The following NPAS3 variants were observed in gnomAD, a reference collection of about 807,000 sequenced individuals.
NPAS3 encodes neuronal PAS domain protein 3, also known as neuronal PAS domain-containing protein 3.
Under a neutral mutation model 73.1 loss-of-function variants are expected in NPAS3, and 14 were observed. The ratio of observed to expected loss-of-function variants is 0.19; its 90% CI spans 0.13 to 0.30. NPAS3 has a LOEUF of 0.30. Ranked by LOEUF, NPAS3 falls within the 10% of genes least tolerant of loss-of-function variation. The probability of loss-of-function intolerance (pLI) is 1.00; values close to 1 mark genes in which losing one functional copy is unlikely to be tolerated. For missense variants in NPAS3, 1,096 were observed against 1,250.0 expected (o/e 0.88, Z 1.86); for synonymous variants, 620 against 541.5 (o/e 1.14, Z -2.01).
intron 3 of NPAS3, among the ~76,000 whole-genome samples, chr14:33,217,792 G>T (rs28683715): frequency 0.3 from 45,545 of 152,000 alleles, 7,376 homozygotes; most frequent in Non-Finnish European, 0.34. Context: ...TTTTATGAGG[G>T]ATAGTTAGAT....
intron 6 of NPAS3, among the ~76,000 whole-genome samples, chr14:33,717,918 G>A (rs1391293970): frequency 6.6e-6 from 1 of 152,018 alleles, no homozygotes; most frequent in Non-Finnish European, 1.5e-5. Context: ...AATGGTTATT[G>A]AGAAAGTCTA....
At chr14:33,763,546 A>G (rs993489534) in intron 7 of NPAS3, among the ~76,000 whole-genome samples, 1 of 152,204 alleles carries the variant, frequency 6.6e-6, no homozygotes, top group African/African-American at 2.4e-5. Context: ...GTGGCCTCAG[A>G]TGCAGTGTAG....
chr14:33,784,746 T>A (rs1355427730), intron 9 of NPAS3, among the ~76,000 whole-genome samples: 1 of 99,522 alleles, frequency 1.0e-5, no homozygotes, highest in Non-Finnish European at 1.9e-5. Flanking sequence ...TATTTATTTA[T>A]TTTTTTTTTT....
chr14:33,074,823 A>G (rs1306532407), intron 2 of NPAS3, among the ~76,000 whole-genome samples: 2 of 152,244 alleles, frequency 1.3e-5, no homozygotes, highest in East Asian at 3.8e-4. Flanking sequence ...ATTTTCTGCT[A>G]GTTACCATAT....
chr14:33,107,941 AAATT>A (rs2042773406), intron 2 of NPAS3, among the ~76,000 whole-genome samples: 1 of 152,174 alleles, frequency 6.6e-6, no homozygotes, highest in South Asian at 2.1e-4. Context: ...AAAATAGAAT[AAATT>A]CAGGAGTGAA....
At chr14:33,149,863 G>T (rs1289807881) in intron 2 of NPAS3, among the ~76,000 whole-genome samples, 1 of 152,112 alleles carries the variant, frequency 6.6e-6, no homozygotes. Context: ...GTATACACAT[G>T]CCATGGTGGT....
chr14:32,991,790 T>A (rs961380723), intron 1 of NPAS3, among the ~76,000 whole-genome samples: 2 of 152,216 alleles, frequency 1.3e-5, no homozygotes, highest in Non-Finnish European at 2.9e-5. Flanking sequence ...CAGTAAGGCA[T>A]TCGTTGCCTT....
intron 1 of NPAS3, among the ~76,000 whole-genome samples, chr14:33,046,211 G>T (rs1243540896): frequency 1.3e-5 from 2 of 152,144 alleles, no homozygotes; most frequent in African/African-American, 4.8e-5. Flanking sequence ...CATGTTCAAA[G>T]GCTTATAAGC....
intron 5 of NPAS3, among the ~76,000 whole-genome samples, chr14:33,653,124 C>A (rs924882927): frequency 6.6e-6 from 1 of 152,194 alleles, no homozygotes; most frequent in Non-Finnish European, 1.5e-5. Context: ...TGTCTCTTAT[C>A]GTGAGCCACC....
intron 3 of NPAS3, among the ~76,000 whole-genome samples, chr14:33,258,894 A>G (rs2048871667): frequency 6.6e-6 from 1 of 152,128 alleles, no homozygotes; most frequent in South Asian, 2.1e-4. Context: ...GCTCACTGCA[A>G]GCTCCGCCTC....
At chr14:33,357,724 G>A (rs752035375) in intron 3 of NPAS3, among the ~76,000 whole-genome samples, 2 of 152,126 alleles carry the variant, frequency 1.3e-5, no homozygotes, top group Non-Finnish European at 1.5e-5. Context: ...CTGGGGTTTC[G>A]GCAAAGCACA....
intron 3 of NPAS3, among the ~76,000 whole-genome samples, chr14:33,282,724 G>A (rs1415418584): frequency 2.6e-5 from 4 of 152,086 alleles, no homozygotes; most frequent in African/African-American, 4.8e-5. Context: ...AGCCTGGAGC[G>A]GGACTGAATA....
rs187383366 is a variant in NPAS3, at chr14:33,650,034, C to G, written c.559-26177C>G. Among the ~76,000 whole-genome samples the G allele has an allele frequency of 1.6e-4, 24 of 152,306 alleles. No homozygotes were observed. In the East Asian group the frequency reaches 4.6e-3, roughly 29 times the overall value. ...CCTGTTTAGAATACAGATTCCCTGGCCCCGTCCCAGGACAGTCTGATTTAG... is the reference window on the plus strand; with the variant it reads ...CCTGTTTAGAATACAGATTCCCTGGGCCCGTCCCAGGACAGTCTGATTTAG... On this transcript the variant is annotated intron_variant, in intron 5 of 11. Transcript: ENST00000356141.
chr14:32,944,772 T>C (rs369498796), intron 1 of NPAS3, among the ~76,000 whole-genome samples: 143 of 152,368 alleles, frequency 9.4e-4, no homozygotes, highest in Middle Eastern at 3.4e-3. Flanking sequence ...CTGAAATGAC[T>C]AGGGCAGTGA....
intron 8 of NPAS3, 73 bp from the exon 9 acceptor site, chr14:33,778,393 G>C (rs373731568): frequency 9.0e-7 from 1 of 1,114,770 alleles, no homozygotes; most frequent in Non-Finnish European, 1.4e-6. Flanking sequence ...CAGTAGAACT[G>C]TTTCTAAGTT....
intron 2 of NPAS3, among the ~76,000 whole-genome samples, chr14:33,169,156 T>C (rs2045289499): frequency 6.6e-6 from 1 of 152,248 alleles, no homozygotes; most frequent in African/African-American, 2.4e-5. Context: ...TTTCCTTTTT[T>C]CTAAATACTC....
intron 1 of NPAS3, among the ~76,000 whole-genome samples, chr14:32,943,202 G>A (rs1470648770): frequency 6.6e-6 from 1 of 151,710 alleles, no homozygotes; most frequent in Admixed American, 6.6e-5. Flanking sequence ...TACATGAGGT[G>A]TTTTCACCTA....
At chr14:33,190,385 A>G (rs1054503921) in intron 2 of NPAS3, among the ~76,000 whole-genome samples, 4 of 152,240 alleles carry the variant, frequency 2.6e-5, no homozygotes, top group African/African-American at 7.2e-5. Context: ...TACACAAGAA[A>G]CAATCCACAA....
intron 4 of NPAS3, among the ~76,000 whole-genome samples, chr14:33,513,877 G>C (rs1439412906): frequency 3.3e-5 from 5 of 152,036 alleles, no homozygotes; most frequent in Non-Finnish European, 7.4e-5. Flanking sequence ...TTCCCCATGG[G>C]GGAGAAAGGT....
Sources: allele counts gnomAD v4.1 joint callset (sites outside exome capture counted in the v4.1 genomes callset), GRCh38; gene constraint gnomAD v4.1.1; transcripts MANE v1.5; gene names NCBI Gene and HGNC (gene_info 2026-07-23, HGNC 2026-07-21).